Variants in WASHC3 observed in about 807,000 individuals in gnomAD.
WASHC3 encodes the protein WASH complex subunit CCDC53.
WASHC3 carries 24 observed loss-of-function variants against 26.1 expected under a neutral mutation model. The observed-to-expected ratio is 0.92, with a 90% CI of 0.66 to 1.29. The LOEUF is 1.29. Among genes scored for constraint, WASHC3 ranks in the 50% most tolerant of loss-of-function variants. The pLI, the probability that WASHC3 is intolerant of heterozygous loss-of-function variation, is 0.00. For missense variants in WASHC3, 214 were observed against 229.6 expected, an observed-to-expected ratio of 0.93 and a Z score of 0.44; for synonymous variants, 77 against 75.7, an observed-to-expected ratio of 1.02 and a Z score of -0.09.
At chr12:102,052,257 G>A (rs1333923800) in intron 2 of WASHC3, among the ~76,000 whole-genome samples, 1 of 152,226 alleles carries the variant, frequency 6.6e-6, no homozygotes, top group African/African-American at 2.4e-5. Flanking sequence ...CATGGAGAGA[G>A]ATACCCTCCA....
At chr12:102,014,950 C>A (rs1876634866) in intron 6 of WASHC3, among the ~76,000 whole-genome samples, 1 of 152,122 alleles carries the variant, frequency 6.6e-6, no homozygotes, top group Admixed American at 6.6e-5. Flanking sequence ...TGTATTAGTA[C>A]CTATGACAAC....
At chr12:102,024,808 C>A (rs1362570626) in intron 6 of WASHC3, among the ~76,000 whole-genome samples, 1 of 152,072 alleles carries the variant, frequency 6.6e-6, no homozygotes, top group Non-Finnish European at 1.5e-5. Context: ...GCAATGAATA[C>A]CAAAATGGAT....
chr12:102,023,435 G>A (rs1877037243), intron 6 of WASHC3, among the ~76,000 whole-genome samples: 1 of 152,064 alleles, frequency 6.6e-6, no homozygotes. Flanking sequence ...AAAGAACACA[G>A]AACAATCTTT....
chr12:102,036,136 G>A (rs1877645435), intron 5 of WASHC3, among the ~76,000 whole-genome samples: 1 of 152,116 alleles, frequency 6.6e-6, no homozygotes, highest in African/African-American at 2.4e-5. Flanking sequence ...GAGGCAGGTG[G>A]ATCACCTGAG....
intron 6 of WASHC3, 85 bp downstream of exon 6, chr12:102,025,889 A>G: frequency 1.3e-6 from 1 of 752,700 alleles, no homozygotes; most frequent in Non-Finnish European, 2.2e-6. Flanking sequence ...AGGAATAAAA[A>G]TACAGAGAAT....
chr12:102,031,743 CCTT>C (rs1452174990), intron 5 of WASHC3, among the ~76,000 whole-genome samples: 2 of 151,896 alleles, frequency 1.3e-5, no homozygotes, highest in Non-Finnish European at 2.9e-5. Flanking sequence ...GATTAGTAAA[CCTT>C]AGGTATTATA....
At position 102,024,289 on chromosome 12, in the gene WASHC3, A is replaced by T. The variant is rs574087494; in HGVS notation, c.500+1685T>A. On this transcript the variant is annotated intron_variant, in intron 6 of 6. Transcript: ENST00000240079. Reference sequence around the variant, plus strand: ...AGTCACAGGAAGATGTGAAGCAAGAATGAAGTATGAAGAGATCCACTCAGG... The same window carrying T: ...AGTCACAGGAAGATGTGAAGCAAGATTGAAGTATGAAGAGATCCACTCAGG... 2.6e-5 allele frequency among the ~76,000 whole-genome samples: 4 copies of T among 152,314 alleles called. No homozygotes were observed. The East Asian group carries it at 7.7e-4, about 29-fold the overall frequency.
In WASHC3 at chr12:102,013,052, T is replaced by A; in HGVS notation, c.*56A>T. The A allele has an allele frequency of 2.5e-6, 2 of 792,724 alleles. No individual in the cohort carries two copies. Among genetic ancestry groups the A allele is most frequent in the African/African-American group, 3.5e-5 (2 of 57,602 alleles). 49.1% of individuals were successfully genotyped at this position (792,724 alleles called of 1,614,324 possible). ...CTAAGAGAGTTCAGGCTCAATCTCTTACAGAATGTAAATGTACCCCTATGC... is the reference window on the plus strand; with the variant it reads ...CTAAGAGAGTTCAGGCTCAATCTCTAACAGAATGTAAATGTACCCCTATGC... On this transcript the variant is annotated 3_prime_UTR_variant, in exon 7 of 7. Coordinates refer to ENST00000240079, the MANE Select transcript of WASHC3 (RefSeq NM_016053.4).
intron 2 of WASHC3, among the ~76,000 whole-genome samples, chr12:102,060,892 T>A (rs1449585459): frequency 7.0e-6 from 1 of 142,018 alleles, no homozygotes; most frequent in Non-Finnish European, 1.5e-5. Context: ...GAGGTGGAGG[T>A]TGCAGTGAGC....
At position 102,061,964 on chromosome 12, in the gene WASHC3, T is replaced by G; in HGVS notation, c.-2A>C. On this transcript the variant is annotated 5_prime_UTR_variant, in exon 1 of 7. Coordinates refer to ENST00000240079, the MANE Select transcript of WASHC3 (RefSeq NM_016053.4). Reference sequence around the variant, plus strand: ...GAGAGGAAGCCCGTCCTCATCCATCTCCTCAGCGGGCGGTGGACCCCGAGT... The same window carrying G: ...GAGAGGAAGCCCGTCCTCATCCATCGCCTCAGCGGGCGGTGGACCCCGAGT... The G allele has an allele frequency of 6.3e-7, 1 of 1,595,342 alleles. No individual in the cohort carries two copies. Among genetic ancestry groups the G allele is most frequent in the Non-Finnish European group, 8.5e-7 (1 of 1,169,920 alleles).
chr12:102,059,827 C>T (rs1417676551), intron 2 of WASHC3: 2 of 152,166 alleles, frequency 1.3e-5, no homozygotes, highest in Non-Finnish European at 2.9e-5. Flanking sequence ...CCTTGGCTTA[C>T]TGGTTTTTAT....
intron 6 of WASHC3, among the ~76,000 whole-genome samples, chr12:102,019,647 C>T (rs959417917): frequency 2.0e-5 from 3 of 152,112 alleles, no homozygotes; most frequent in African/African-American, 7.2e-5. Context: ...AAAACACTAG[C>T]TTGGTGGCTA....
At chr12:102,019,361 C>T (rs1876854274) in intron 6 of WASHC3, 1 of 387,092 alleles carries the variant, frequency 2.6e-6, no homozygotes, top group Admixed American at 3.3e-5. Context: ...CATAAATGTT[C>T]TTACTTCACC....
chr12:102,052,303 GCCTTGGACCACAACA>G (rs1181712227), intron 2 of WASHC3, among the ~76,000 whole-genome samples: 3 of 152,316 alleles, frequency 2.0e-5, no homozygotes, highest in African/African-American at 7.2e-5. Flanking sequence ...ACAGGACTTT[GCCTTGGACCACAACA>G]CCAGGCCCAC....
intron 4 of WASHC3, 104 bp from the exon 5 acceptor site, chr12:102,040,082 C>A: frequency 2.1e-6 from 1 of 471,366 alleles, no homozygotes; most frequent in Non-Finnish European, 3.8e-6. Flanking sequence ...CAGTAAATTG[C>A]AGAAAAAAAT....
chr12:102,037,199 T>A (rs1008868855), intron 5 of WASHC3, among the ~76,000 whole-genome samples: 1 of 152,112 alleles, frequency 6.6e-6, no homozygotes, highest in Non-Finnish European at 1.5e-5. Context: ...GGTGAAATAG[T>A]ATAGACAAAT....
intron 6 of WASHC3, among the ~76,000 whole-genome samples, chr12:102,022,235 G>A (rs987612309): frequency 3.9e-5 from 6 of 152,134 alleles, no homozygotes; most frequent in African/African-American, 9.7e-5. Flanking sequence ...CTCTGTATAT[G>A]TTAAATATGT....
chr12:102,019,514 T>A (rs1876860054), intron 6 of WASHC3: 2 of 178,218 alleles, frequency 1.1e-5, no homozygotes, highest in African/African-American at 4.8e-5. Flanking sequence ...TATAATAGTC[T>A]CTTGTTATTT....
At chr12:102,035,197 T>C (rs1877604999) in intron 5 of WASHC3, among the ~76,000 whole-genome samples, 1 of 152,120 alleles carries the variant, frequency 6.6e-6, no homozygotes, top group African/African-American at 2.4e-5. Context: ...TTGCCTATAT[T>C]AGAATACCTG....
Sources: allele counts gnomAD v4.1 joint callset (sites outside exome capture counted in the v4.1 genomes callset), GRCh38; gene constraint gnomAD v4.1.1; transcripts MANE v1.5; gene names NCBI Gene and HGNC (gene_info 2026-07-23, HGNC 2026-07-21).